The following KHDRBS2 variants were observed in gnomAD, a reference collection of about 807,000 sequenced individuals.
KHDRBS2 encodes the protein KH RNA binding domain containing, signal transduction associated 2, also known as KH domain-containing, RNA-binding, signal transduction-associated protein 2.
A neutral mutation model predicts 44.3 loss-of-function variants in KHDRBS2; 26 were observed. That is an observed-to-expected ratio of 0.59 (90% CI 0.43 to 0.81). The LOEUF (loss-of-function observed/expected upper bound fraction) is 0.81, where lower values mean the gene tolerates loss of function less well. Among genes scored for constraint, KHDRBS2 ranks in the 40% least tolerant of loss-of-function variants. The probability of loss-of-function intolerance (pLI) is 0.00; values close to 1 mark genes in which losing one functional copy is unlikely to be tolerated. For missense variants in KHDRBS2, 476 were observed against 433.1 expected (o/e 1.10, Z -0.88); for synonymous variants, 194 against 151.1 (o/e 1.28, Z -2.08).
At chr6:61,545,786 A>C in the KHDRBS2 span, among the ~76,000 whole-genome samples, 1 of 151,974 alleles carries the variant, frequency 6.6e-6, no homozygotes, top group Admixed American at 6.6e-5. Flanking sequence ...TGAGATCATA[A>C]GGGTGGTAGG....
chr6:62,241,734 T>TATTATTACATA (rs1188289373), intron 1 of KHDRBS2, among the ~76,000 whole-genome samples: 1,977 of 152,312 alleles, frequency 0.013, 35 homozygotes, highest in African/African-American at 0.045. Flanking sequence ...GTTGGCATGA[T>TATTATTACATA]GCCTGGGACA....
At chr6:61,844,551 A>G (rs1794084961) in intron 6 of KHDRBS2, among the ~76,000 whole-genome samples, 1 of 152,082 alleles carries the variant, frequency 6.6e-6, no homozygotes, top group Non-Finnish European at 1.5e-5. Flanking sequence ...TTGATATTTT[A>G]TGTTTCTTAT....
At chr6:62,208,189 C>T (rs895693026) in intron 1 of KHDRBS2, among the ~76,000 whole-genome samples, 4 of 152,132 alleles carry the variant, frequency 2.6e-5, no homozygotes, top group African/African-American at 9.7e-5. Flanking sequence ...CCATGTTCAT[C>T]CATGTAGTAA....
intron 4 of KHDRBS2, among the ~76,000 whole-genome samples, chr6:61,955,652 AT>A (rs1766970865): frequency 6.8e-6 from 1 of 146,972 alleles, no homozygotes; most frequent in Non-Finnish European, 1.5e-5. Context: ...GTATGTATGT[AT>A]GCATATATGT....
At chr6:62,137,022 A>T (rs1811699005) in intron 2 of KHDRBS2, among the ~76,000 whole-genome samples, 2 of 87,752 alleles carry the variant, frequency 2.3e-5, no homozygotes, top group African/African-American at 4.5e-5. Flanking sequence ...TTTTTTTGAG[A>T]CGGAGTCTCC....
intron 7 of KHDRBS2, among the ~76,000 whole-genome samples, chr6:61,712,040 C>G (rs1464095798): frequency 6.6e-6 from 1 of 151,642 alleles, no homozygotes; most frequent in East Asian, 2.0e-4. Context: ...GGTCTGAGCT[C>G]CTCATGTGTT....
chr6:61,778,254 C>T (rs1782406903), intron 6 of KHDRBS2, among the ~76,000 whole-genome samples: 1 of 152,090 alleles, frequency 6.6e-6, no homozygotes, highest in East Asian at 1.9e-4. Flanking sequence ...ATGAACAGAG[C>T]CTCTGTCACT....
At chr6:61,642,782 A>G in the KHDRBS2 span, among the ~76,000 whole-genome samples, 1 of 152,194 alleles carries the variant, frequency 6.6e-6, no homozygotes, top group East Asian at 1.9e-4. Flanking sequence ...TCCAACAAAT[A>G]TGTTCTAATC....
intron 2 of KHDRBS2, among the ~76,000 whole-genome samples, chr6:62,115,908 T>G (rs1240884714): frequency 6.6e-6 from 1 of 152,076 alleles, no homozygotes; most frequent in Non-Finnish European, 1.5e-5. Flanking sequence ...GAATATTCTC[T>G]TAAATAAAAC....
At chr6:61,608,476 A>G in the KHDRBS2 span, among the ~76,000 whole-genome samples, 3 of 151,988 alleles carry the variant, frequency 2.0e-5, no homozygotes, top group Admixed American at 6.6e-5. Flanking sequence ...TCTGGGATAA[A>G]TGTGCAGAAC....
At chr6:61,892,698 T>C (rs574875955) in intron 6 of KHDRBS2, among the ~76,000 whole-genome samples, 1 of 152,190 alleles carries the variant, frequency 6.6e-6, no homozygotes, top group Non-Finnish European at 1.5e-5. Context: ...TCGCTAGCCA[T>C]ATGTAGAAAG....
chr6:62,088,055 G>A (rs927552686), intron 2 of KHDRBS2, among the ~76,000 whole-genome samples: 24 of 152,132 alleles, frequency 1.6e-4, no homozygotes, highest in Non-Finnish European at 8.8e-5. Flanking sequence ...GGTTATTTAT[G>A]TTCTTCTCTA....
the KHDRBS2 span, among the ~76,000 whole-genome samples, chr6:61,578,512 G>A: frequency 5.3e-5 from 8 of 152,038 alleles, no homozygotes; most frequent in Non-Finnish European, 1.2e-4. Context: ...GCTTTCAGTC[G>A]GGTAAAATGT....
At chr6:62,200,726 C>T (rs1437956449) in intron 1 of KHDRBS2, among the ~76,000 whole-genome samples, 1 of 152,164 alleles carries the variant, frequency 6.6e-6, no homozygotes, top group Non-Finnish European at 1.5e-5. Flanking sequence ...GCAGCCATCC[C>T]ATTACTGGGT....
chr6:61,587,887 T>A, the KHDRBS2 span, among the ~76,000 whole-genome samples: 1 of 146,690 alleles, frequency 6.8e-6, no homozygotes. Flanking sequence ...TAATTATAGA[T>A]GCTTAGAAAA....
chr6:61,954,084 G>C (rs1489170567), intron 4 of KHDRBS2, among the ~76,000 whole-genome samples: 3 of 152,142 alleles, frequency 2.0e-5, no homozygotes, highest in African/African-American at 7.2e-5. Flanking sequence ...TATTCTGGCA[G>C]AGGGAGGCTC....
chr6:61,881,139 G>A (rs747853813), intron 6 of KHDRBS2, among the ~76,000 whole-genome samples: 40 of 151,864 alleles, frequency 2.6e-4, no homozygotes, highest in Non-Finnish European at 1.0e-4. Flanking sequence ...CTTACTCCCT[G>A]TAATTTTAGA....
At chr6:61,825,353 T>G (rs186480738) in intron 6 of KHDRBS2, among the ~76,000 whole-genome samples, 17 of 152,190 alleles carry the variant, frequency 1.1e-4, no homozygotes, top group African/African-American at 3.6e-4. Context: ...ATGGTGTAAA[T>G]GCTGAATTTG....
intron 2 of KHDRBS2, among the ~76,000 whole-genome samples, chr6:62,073,463 ATTGT>A (rs1466012133): frequency 6.9e-6 from 1 of 144,318 alleles, no homozygotes; most frequent in African/African-American, 2.5e-5. Flanking sequence ...TTTCAGTCTA[ATTGT>A]TTGCTAATTT....
Sources: allele counts gnomAD v4.1 joint callset (sites outside exome capture counted in the v4.1 genomes callset), GRCh38; gene constraint gnomAD v4.1.1; transcripts MANE v1.5; gene names NCBI Gene and HGNC (gene_info 2026-07-23, HGNC 2026-07-21).